RNASEH2A: variants seen among roughly 807,000 people sequenced by gnomAD.
RNASEH2A encodes ribonuclease H2 subunit A, also known as RNase H(35).
RNASEH2A carries 30 observed loss-of-function variants against 32.7 expected under a neutral mutation model. The observed-to-expected ratio is 0.92, with a 90% CI of 0.69 to 1.25. The LOEUF is 1.25. Ranked by LOEUF, RNASEH2A falls within the 50% of genes most tolerant of loss-of-function variation. The pLI is 0.00. For missense variants in RNASEH2A, 409 were observed against 398.1 expected (o/e 1.03, Z -0.23); for synonymous variants, 147 against 165.4 (o/e 0.89, Z 0.86).
rs372667206 is a variant in RNASEH2A at position 12,813,160 on chromosome 19, C to T, written c.715C>T (p.Arg239Cys). ...GFPQFVRFSW[R>C]TAQTILEKEA... ...CCCCCAGTTTGTCCGGTTCAGCTGG[C>T]GCACGGCCCAGACCATCCTGGAGAA... Residue 239 changes from arginine (R) to cysteine (C), a missense_variant, in exon 7 of 8, where the codon CGC becomes TGC. Coordinates refer to ENST00000221486, the MANE Select transcript of RNASEH2A (RefSeq NM_006397.3). 1.0e-4 allele frequency: 166 copies of T among 1,613,884 alleles called. 1 individual carries two copies. The highest frequency in any genetic ancestry group is 1.3e-4 in the Non-Finnish European group (155 of 1,179,982).
chr19:12,808,966 T>G (rs1308997581), intron 4 of RNASEH2A, among the ~76,000 whole-genome samples: 3 of 151,990 alleles, frequency 2.0e-5, no homozygotes, highest in African/African-American at 4.8e-5. Context: ...AGGTAGACCC[T>G]GCTGAGGAGG....
Position 12,810,221 on chromosome 19 carries a change from C to A in RNASEH2A, c.549+13C>A, listed in dbSNP as rs758545367. On this transcript the variant is annotated intron_variant, in intron 5 of 7. Transcript: ENST00000221486. ...CATCTGTGCCAAGGTCAGTACCCTA[C>A]TAGCCATGGCTGGCTTCCACCATCC... 1.9e-6 allele frequency: 3 copies of A among 1,614,208 alleles called. No individual in the cohort carries two copies. The highest frequency in any genetic ancestry group is 4.5e-5 in the East Asian group (2 of 44,882).
chr19:12,809,234 A>C (rs562490236), intron 4 of RNASEH2A, among the ~76,000 whole-genome samples: 1 of 152,306 alleles, frequency 6.6e-6, no homozygotes, highest in African/African-American at 2.4e-5. Flanking sequence ...AAAAAAATAA[A>C]ACATGAAAGA....
rs776898873 is a variant in RNASEH2A, at chr19:12,810,197, A to G, written c.538A>G (p.Ile180Val). Residue 180 changes from isoleucine to valine, a missense_variant, in exon 5 of 8, where the codon ATC becomes GTC. By Grantham distance (29) the Ile-to-Val change is conservative (BLOSUM62 3). Transcript: ENST00000221486. ...CTACCCGGTGGTTAGTGCTGCCAGC[A>G]TCTGTGCCAAGGTCAGTACCCTACT... is the stretch of plus-strand genomic sequence containing the variant. The part of the protein sequence containing the change: ...ALYPVVSAAS[I>V]CAKVARDQAV... 4 of 1,614,128 alleles carry G rather than the reference A, an allele frequency of 2.5e-6. No individual in the cohort carries two copies. The highest frequency in any genetic ancestry group is 3.4e-6 in the Non-Finnish European group (4 of 1,180,060).
At chr19:12,811,243 C>T (rs543142741) in intron 6 of RNASEH2A, among the ~76,000 whole-genome samples, 31 of 152,262 alleles carry the variant, frequency 2.0e-4, no homozygotes, top group South Asian at 4.1e-4. Context: ...CTGTCTTCCC[C>T]GCTTCCCACT....
At chr19:12,809,749 G>A (rs866221206) in intron 4 of RNASEH2A, among the ~76,000 whole-genome samples, 2 of 151,662 alleles carry the variant, frequency 1.3e-5, no homozygotes, top group Non-Finnish European at 2.9e-5. Context: ...AGCCTCTTCA[G>A]GAGGTGAGTT....
intron 6 of RNASEH2A, among the ~76,000 whole-genome samples, chr19:12,811,951 T>C (rs1273838354): frequency 1.3e-5 from 2 of 149,598 alleles, no homozygotes; most frequent in African/African-American, 5.0e-5. Flanking sequence ...TAATATTTAA[T>C]GACAGGCTGG....
chr19:12,806,760 C>A lies in RNASEH2A; in HGVS notation c.87C>A (p.Cys29Ter). ...CCGCGGTGTGCCGCAAGGAGCCTTG[C>A]GTCCTGGGCGTCGATGAGGCGGGCA... ...PVPAVCRKEP[C>*]VLGVDEAGRG... is the part of the protein sequence containing the mutation. The change falls in exon 1 of 8, where the codon TGC (cysteine) becomes TGA (stop). Residue 29 changes from cysteine to a stop codon, truncating the protein, a stop_gained. Transcript: ENST00000221486. LOFTEE classifies it high-confidence loss of function. 6.3e-7 allele frequency: 1 copy of A among 1,575,016 alleles called. No individual in the cohort carries two copies. Among genetic ancestry groups the A allele is most frequent in the Non-Finnish European group, 8.6e-7 (1 of 1,160,156 alleles).
chr19:12,806,775 T>G lies in RNASEH2A; in HGVS notation c.102T>G (p.Asp34Glu). Residue 34 changes from aspartate (D) to glutamate (E), a missense_variant, in exon 1 of 8, where the codon GAT becomes GAG. Transcript: ENST00000221486. ...CRKEPCVLGV[D>E]EAGRGPVLGP... ...AGGAGCCTTGCGTCCTGGGCGTCGA[T>G]GAGGCGGGCAGGGGCCCCGTGCTGG... 6.3e-7 allele frequency: 1 copy of G among 1,577,176 alleles called. No homozygotes were observed. The highest frequency in any genetic ancestry group is 8.6e-7 in the Non-Finnish European group (1 of 1,161,496).
Position 12,806,631 on chromosome 19 carries a change from T to A in RNASEH2A, c.-43T>A. The A allele has an allele frequency of 6.4e-7, 1 of 1,561,138 alleles. No individual in the cohort carries two copies. The highest frequency in any genetic ancestry group is 8.7e-7 in the Non-Finnish European group (1 of 1,152,534). On this transcript the variant is annotated 5_prime_UTR_variant, in exon 1 of 8. Coordinates refer to ENST00000221486, the MANE Select transcript of RNASEH2A (RefSeq NM_006397.3). ...GAAAACGCGCGCCGAGACCCGCTCC[T>A]GCAGTATTAGTTCTTGCAGCTGGTG...
intron 6 of RNASEH2A, among the ~76,000 whole-genome samples, chr19:12,811,401 C>T (rs923004875): frequency 6.6e-6 from 1 of 150,584 alleles, no homozygotes; most frequent in Non-Finnish European, 1.5e-5. Context: ...CTTGAGTCCT[C>T]GAGTTCAAGA....
At chr19:12,811,616 T>TA (rs1969072950) in intron 6 of RNASEH2A, among the ~76,000 whole-genome samples, 2 of 141,058 alleles carry the variant, frequency 1.4e-5, no homozygotes, top group African/African-American at 5.5e-5. Flanking sequence ...AGATCTTGTG[T>TA]CAAAAAAAAA....
In RNASEH2A at chr19:12,807,020, A is replaced by G. The variant is rs1969002839; in HGVS notation, c.140A>G (p.Tyr47Cys). ...GRGPVLGPMV[Y>C]AICYCPLPRL... Reference sequence around the variant, plus strand: ...CCCTTCTCCCCAGGCCCCATGGTCTACGCCATCTGTTATTGTCCCCTGCCT... The same window carrying G: ...CCCTTCTCCCCAGGCCCCATGGTCTGCGCCATCTGTTATTGTCCCCTGCCT... Residue 47 changes from tyrosine to cysteine, a missense_variant, in exon 2 of 8, where the codon TAC (tyrosine) becomes TGC (cysteine). Coordinates refer to ENST00000221486, the MANE Select transcript of RNASEH2A (RefSeq NM_006397.3). The G allele has an allele frequency of 1.9e-6, 3 of 1,613,958 alleles. No homozygotes were observed. The highest frequency in any genetic ancestry group is 1.1e-5 in the South Asian group (1 of 91,080).
At chr19:12,808,635 T>A (rs1430032495) in intron 4 of RNASEH2A, among the ~76,000 whole-genome samples, 1 of 152,196 alleles carries the variant, frequency 6.6e-6, no homozygotes, top group African/African-American at 2.4e-5. Context: ...GACATTTAGT[T>A]TTCCGATCAC....
At position 12,810,098 on chromosome 19, in the gene RNASEH2A, G is replaced by A. The variant is rs769486587; in HGVS notation, c.439G>A (p.Glu147Lys). The A allele has an allele frequency of 3.1e-6, 5 of 1,614,088 alleles. No individual in the cohort carries two copies. Among genetic ancestry groups the A allele is most frequent in the Admixed American group, 1.7e-5 (1 of 60,004 alleles). ...ATTCGTGGACACCGTAGGGATGCCA[G>A]AGACATACCAGGCGCGGCTGCAGCA... ...QVFVDTVGMP[E>K]TYQARLQQSF... Residue 147 changes from glutamate to lysine, a missense_variant, in exon 5 of 8, where the codon GAG becomes AAG. Transcript: ENST00000221486.
In RNASEH2A at chr19:12,809,042, C is replaced by T. The variant is rs1033705479; in HGVS notation, c.412-1029C>T. Among the ~76,000 whole-genome samples, 5 of 151,934 alleles carry T rather than the reference C, an allele frequency of 3.3e-5. No homozygotes were observed. The South Asian group carries it at 1.0e-3, about 32-fold the overall frequency. On this transcript the variant is annotated intron_variant, in intron 4 of 7. Transcript: ENST00000221486. ...TAACTGGTGTAGACAGACAAGGGCC[C>T]TACCCGTAGGCGTTCAGGGCCTAGC...
At chr19:12,807,372 G>T in intron 3 of RNASEH2A, 43 bp downstream of exon 3, 1 of 1,614,162 alleles carries the variant, frequency 6.2e-7, no homozygotes, top group African/African-American at 1.3e-5. Flanking sequence ...GGCTGACCAA[G>T]CTTTGTTCCT....
At chr19:12,811,172 T>A (rs1969065397) in intron 6 of RNASEH2A, among the ~76,000 whole-genome samples, 1 of 152,116 alleles carries the variant, frequency 6.6e-6, no homozygotes, top group East Asian at 1.9e-4. Flanking sequence ...AGTGGTGCCA[T>A]TTGTTTATGG....
Position 12,806,780 on chromosome 19 carries a change from C to G in RNASEH2A, c.107C>G (p.Ala36Gly), listed in dbSNP as rs770612177. The change falls in exon 1 of 8, where the codon GCG (alanine) becomes GGG (glycine). Residue 36 changes from alanine (A) to glycine (G), a missense_variant. Transcript: ENST00000221486. The part of the protein sequence containing the change: ...KEPCVLGVDE[A>G]GRGPVLGPMV... ...CCTTGCGTCCTGGGCGTCGATGAGG[C>G]GGGCAGGGGCCCCGTGCTGGGTGCG... 5.7e-6 allele frequency: 9 copies of G among 1,576,528 alleles called. No homozygotes were observed. The African/African-American group carries it at 1.1e-4, about 19-fold the overall frequency.
Sources: gnomAD v4.1 joint callset for allele counts (sites outside exome capture counted in the v4.1 genomes callset) on GRCh38, gnomAD v4.1.1 for gene constraint, MANE v1.5 for transcripts, NCBI Gene and HGNC (gene_info 2026-07-23, HGNC 2026-07-21) for gene names.